Variants in TSPEAR observed in about 807,000 individuals in gnomAD.
The protein encoded by TSPEAR is thrombospondin-type laminin G domain and EAR repeat-containing protein.
In TSPEAR, 69 loss-of-function variants were observed where a neutral mutation model predicts 71.6. The ratio of observed to expected loss-of-function variants is 0.96; its 90% CI spans 0.79 to 1.18. TSPEAR has a LOEUF of 1.18. Ranked by LOEUF, TSPEAR falls within the 50% of genes most tolerant of loss-of-function variation. The pLI is 0.00. For missense variants in TSPEAR, 971 were observed against 894.9 expected (o/e 1.09, Z -1.09); for synonymous variants, 402 against 387.2 (o/e 1.04, Z -0.45).
chr21:44,635,836 C>T (rs977877003), intron 1 of TSPEAR, among the ~76,000 whole-genome samples: 1 of 152,100 alleles, frequency 6.6e-6, no homozygotes, highest in Non-Finnish European at 1.5e-5. Context: ...AAAATTACAC[C>T]TGCCAAGGGT....
chr21:44,525,577 A>T (rs1199785196), intron 8 of TSPEAR, 76 bp downstream of exon 8: 9 of 1,427,134 alleles, frequency 6.3e-6, no homozygotes, highest in Non-Finnish European at 8.7e-6. Context: ...AATAAGATAC[A>T]CATTCGCCCT....
At chr21:44,616,279 C>T (rs1398874590) in intron 1 of TSPEAR, among the ~76,000 whole-genome samples, 1 of 152,212 alleles carries the variant, frequency 6.6e-6, no homozygotes, top group African/African-American at 2.4e-5. Flanking sequence ...GACGCTCTCA[C>T]GGTGCCCTTT....
At chr21:44,646,517 A>ACG (rs1430329911) in intron 1 of TSPEAR, 1 of 1,612,304 alleles carries the variant, frequency 6.2e-7, no homozygotes, top group Non-Finnish European at 8.5e-7. Context: ...TGGCAGGTGG[A>ACG]CGACTGCCCA....
At chr21:44,587,765 A>G (rs1352325719) in intron 1 of TSPEAR, among the ~76,000 whole-genome samples, 1 of 152,192 alleles carries the variant, frequency 6.6e-6, no homozygotes, top group South Asian at 2.1e-4. Context: ...ACAAAAACAT[A>G]AAGTGGGGAA....
intron 1 of TSPEAR, among the ~76,000 whole-genome samples, chr21:44,664,554 A>G (rs1308213340): frequency 1.3e-5 from 2 of 152,212 alleles, no homozygotes; most frequent in African/African-American, 4.8e-5. Flanking sequence ...GATATTGATA[A>G]GCTTATTCAA....
chr21:44,498,664 A>AT lies in TSPEAR; in HGVS notation c.*1118dup, dbSNP rs1555910770. The AT allele has an allele frequency of 6.6e-6, 1 of 152,242 alleles. No homozygotes were observed. Among genetic ancestry groups the AT allele is most frequent in the Non-Finnish European group, 1.5e-5 (1 of 68,062 alleles). The allele number at this position is 152,242 out of a possible 1,614,324, so 9.4% of individuals were successfully genotyped here. ...ATAGGAAGTTTTGTCCACAGTTCTG[A>AT]TTGGCGGAAAAAGCACATTGTAAAC... On this transcript the variant is annotated 3_prime_UTR_variant, in exon 12 of 12. Transcript: ENST00000323084.
intron 1 of TSPEAR, among the ~76,000 whole-genome samples, chr21:44,572,025 T>C (rs1018030046): frequency 2.6e-5 from 4 of 152,218 alleles, no homozygotes; most frequent in African/African-American, 9.6e-5. Context: ...ACATGACCAA[T>C]TACAGAGGGA....
rs1555914114 is a variant in TSPEAR, at chr21:44,520,475, G to A, written c.1566+1408C>T. On this transcript the variant is annotated intron_variant, in intron 9 of 11. Coordinates refer to ENST00000323084, the MANE Select transcript of TSPEAR (RefSeq NM_144991.3). The surrounding 1 kb of genome is among the most constrained non-coding windows in gnomAD (Gnocchi z 4.2). ...CCGAAGGGTGGGGCGGTGGTCACCT[G>A]GATGACGCTGTGCCCCAGCCTGCCA... The A allele has an allele frequency of 6.6e-6, 1 of 152,258 alleles. No individual in the cohort carries two copies. The highest frequency in any genetic ancestry group is 2.4e-5 in the African/African-American group (1 of 41,440). The allele number at this position is 152,258 out of a possible 1,614,324, so 9.4% of individuals were successfully genotyped here. A position where few individuals can be genotyped will look rare whatever the true frequency, so the allele number is the denominator to read the frequency against.
intron 2 of TSPEAR, among the ~76,000 whole-genome samples, chr21:44,560,601 A>G (rs781899223): frequency 6.6e-6 from 1 of 152,358 alleles, no homozygotes; most frequent in East Asian, 1.9e-4. Context: ...ACTCCTCAGC[A>G]AATGCAAAAG....
In TSPEAR at chr21:44,560,518, C is replaced by T. The variant is rs148783297; in HGVS notation, c.303+7267G>A. Reference sequence around the variant, plus strand: ...ATCTGCAGAACTCTCCACCCCAAATCAACAGAAGATACATTCTTCTCAGTG... The same window carrying T: ...ATCTGCAGAACTCTCCACCCCAAATTAACAGAAGATACATTCTTCTCAGTG... On this transcript the variant is annotated intron_variant, in intron 2 of 11. Transcript: ENST00000323084. 6.1e-3 allele frequency among the ~76,000 whole-genome samples: 929 copies of T among 152,320 alleles called. 16 individuals are homozygous for T. Among genetic ancestry groups the T allele is most frequent in the African/African-American group, 0.021 (884 of 41,558 alleles).
At chr21:44,567,237 G>C (rs1246793906) in intron 2 of TSPEAR, among the ~76,000 whole-genome samples, 3 of 152,190 alleles carry the variant, frequency 2.0e-5, no homozygotes, top group Non-Finnish European at 4.4e-5. Flanking sequence ...CAAATAGCCA[G>C]TACACACATG....
chr21:44,655,870 T>C (rs465005), intron 1 of TSPEAR, among the ~76,000 whole-genome samples: 141,513 of 152,302 alleles, frequency 0.93, 65,890 homozygotes, highest in East Asian at 1. Flanking sequence ...TGTGGGTCCT[T>C]CTGTGCCTGC....
chr21:44,684,539 C>A (rs73234853), intron 1 of TSPEAR, among the ~76,000 whole-genome samples: 8,291 of 152,280 alleles, frequency 0.054, 241 homozygotes, highest in Middle Eastern at 0.14. Context: ...TCTCAAAAAA[C>A]CCCAGAAACT....
In TSPEAR at chr21:44,498,357, G is replaced by A. The variant is rs587705671; in HGVS notation, c.*1426C>T. 9 of 152,254 alleles carry A rather than the reference G, an allele frequency of 5.9e-5. No individual in the cohort carries two copies. Among genetic ancestry groups the A allele is most frequent in the Non-Finnish European group, 1.3e-4 (9 of 68,070 alleles). 9.4% of individuals were successfully genotyped at this position (152,254 alleles called of 1,614,324 possible). On this transcript the variant is annotated 3_prime_UTR_variant, in exon 12 of 12. Transcript: ENST00000323084. ...GACCTTCTGAGTGACTTGGTGGAAA[G>A]CAGGGCCCAACCCTCCTGCCCAGGA...
Position 44,711,399 on chromosome 21 carries a change from T to G in TSPEAR, c.82+34A>C, listed in dbSNP as rs1555953584. The G allele has an allele frequency of 1.6e-5, 25 of 1,554,306 alleles. No homozygotes were observed. The highest frequency in any genetic ancestry group is 2.2e-5 in the Non-Finnish European group (25 of 1,146,276). ...CACCCCTCCCAGCTCCCCGGCAAGA[T>G]ACCCCCGCCCGAGTTCCCATGCCCC... On this transcript the variant is annotated intron_variant, in intron 1 of 11. Transcript: ENST00000323084. The surrounding 1 kb of genome is among the most constrained non-coding windows in gnomAD (Gnocchi z 4.5).
intron 1 of TSPEAR, among the ~76,000 whole-genome samples, chr21:44,652,745 T>C (rs1984887999): frequency 6.6e-6 from 1 of 152,216 alleles, no homozygotes; most frequent in African/African-American, 2.4e-5. Flanking sequence ...CCAGGTTTTC[T>C]GGGACTCCAG....
At chr21:44,509,562 C>T (rs909565054) in intron 9 of TSPEAR, among the ~76,000 whole-genome samples, 176 bp from the exon 10 acceptor site, 2 of 147,142 alleles carry the variant, frequency 1.4e-5, no homozygotes, top group Non-Finnish European at 3.0e-5. Flanking sequence ...GGTGAGCGGG[C>T]GCAGAGGTGT....
chr21:44,571,202 C>A (rs2053790390), intron 1 of TSPEAR, among the ~76,000 whole-genome samples: 1 of 152,206 alleles, frequency 6.6e-6, no homozygotes, highest in Non-Finnish European at 1.5e-5. Context: ...CAAATACAAT[C>A]CAGCAACATG....
chr21:44,625,113 CATTT>C (rs1162382533), intron 1 of TSPEAR, among the ~76,000 whole-genome samples: 2 of 152,200 alleles, frequency 1.3e-5, no homozygotes, highest in Admixed American at 1.3e-4. Flanking sequence ...TCTCCAAAAA[CATTT>C]ATTATTTCAG....
Sources: gnomAD v4.1 joint callset for allele counts (sites outside exome capture counted in the v4.1 genomes callset) on GRCh38, gnomAD v4.1.1 for gene constraint, Gnocchi (gnomAD v3.1) non-coding constraint, MANE v1.5 for transcripts, NCBI Gene and HGNC (gene_info 2026-07-23, HGNC 2026-07-21) for gene names.